GPR157: variants seen among roughly 807,000 people sequenced by gnomAD.
GPR157 encodes the protein G-protein coupled receptor 157.
In GPR157, 16 loss-of-function variants were observed where a neutral mutation model predicts 23.5. The observed-to-expected ratio is 0.68, with a 90% confidence interval of 0.46 to 1.04. The LOEUF is 1.04. Among genes scored for constraint, GPR157 ranks in the 50% least tolerant of loss-of-function variants. The pLI is 0.00. For missense variants in GPR157, 440 were observed against 460.7 expected (o/e 0.96, Z 0.41); for synonymous variants, 200 against 221.5 (o/e 0.90, Z 0.86).
chr1:9,120,965 T>C lies in GPR157; in HGVS notation c.383+7680A>G, dbSNP rs1480367127. Among the ~76,000 whole-genome samples the C allele has an allele frequency of 6.6e-6, 1 of 152,248 alleles. No homozygotes were observed. On this transcript the variant is annotated intron_variant, in intron 1 of 3. Transcript: ENST00000377411. This position sits in a 1 kb window ranked among gnomAD's most constrained non-coding sequence, Gnocchi z 4.1. The stretch of plus-strand genomic sequence containing the variant: ...CCACTGCATCCATCCCTCATTCAGA[T>C]GCCACTGCCTGGGGAGACGGGCCAG...
At chr1:9,122,091 C>T (rs2124525736) in intron 1 of GPR157, among the ~76,000 whole-genome samples, 1 of 152,272 alleles carries the variant, frequency 6.6e-6, no homozygotes, top group South Asian at 2.1e-4. Context: ...GCGCCCACCA[C>T]CGTGAGGGGA....
chr1:9,105,011 C>G lies in GPR157; in HGVS notation c.793-377G>C, dbSNP rs934672460. Reference sequence around the variant, plus strand: ...CCAGACTCTGTCCCCGCACCCCCCCCCAAAAAAGAGAAATGGCTGAGAAAC... The same window carrying G: ...CCAGACTCTGTCCCCGCACCCCCCCGCAAAAAAGAGAAATGGCTGAGAAAC... On this transcript the variant is annotated intron_variant, in intron 3 of 3. Coordinates refer to ENST00000377411, the MANE Select transcript of GPR157 (RefSeq NM_024980.5). This position sits in a 1 kb window ranked among gnomAD's most constrained non-coding sequence, Gnocchi z 4.8. 7.0e-6 allele frequency among the ~76,000 whole-genome samples: 1 copy of G among 142,812 alleles called. No individual in the cohort carries two copies. The highest frequency in any genetic ancestry group is 2.4e-4 in the South Asian group (1 of 4,128). The allele number at this position is 142,812 out of a possible 152,430, so 93.7% of individuals were successfully genotyped here.
At chr1:9,124,474 A>C (rs1471587591) in intron 1 of GPR157, among the ~76,000 whole-genome samples, 1 of 152,210 alleles carries the variant, frequency 6.6e-6, no homozygotes, top group African/African-American at 2.4e-5. Context: ...CCTATCCCAG[A>C]AAAGCAGATG....
intron 1 of GPR157, among the ~76,000 whole-genome samples, chr1:9,117,426 T>C (rs1638706205): frequency 6.6e-6 from 1 of 152,120 alleles, no homozygotes; most frequent in Non-Finnish European, 1.5e-5. Flanking sequence ...CACAAACACA[T>C]GTGTGGCATA....
intron 1 of GPR157, among the ~76,000 whole-genome samples, chr1:9,127,052 AT>A (rs1436205668): frequency 1.3e-5 from 2 of 151,914 alleles, no homozygotes; most frequent in Non-Finnish European, 2.9e-5. Context: ...TGCCCAGCTA[AT>A]TTTTAAATTT....
At chr1:9,124,289 T>A (rs1420102581) in intron 1 of GPR157, among the ~76,000 whole-genome samples, 2 of 152,152 alleles carry the variant, frequency 1.3e-5, no homozygotes, top group Non-Finnish European at 2.9e-5. Flanking sequence ...ACTATTGGTA[T>A]GGCATAAAAG....
intron 1 of GPR157, among the ~76,000 whole-genome samples, chr1:9,116,307 T>TATATAATATA (rs1638666261): frequency 3.2e-4 from 4 of 12,460 alleles, no homozygotes; most frequent in East Asian, 0.028. Context: ...ATATATATTA[T>TATATAATATA]ATTATATATA....
rs1179480080 is a variant in GPR157 at position 9,101,421 on chromosome 1, CAGCT to C, written c.*2994_*2997del. The stretch of plus-strand genomic sequence containing the variant: ...CCTTTCTGTCTGAGCACTACCCACC[CAGCT>C]AGACTGACTTGGTAACTGGATCTAA... On this transcript the variant is annotated 3_prime_UTR_variant, in exon 4 of 4. Coordinates refer to ENST00000377411, the MANE Select transcript of GPR157 (RefSeq NM_024980.5). The C allele has an allele frequency of 6.6e-6, 1 of 152,256 alleles. No homozygotes were observed. The highest frequency in any genetic ancestry group is 1.5e-5 in the Non-Finnish European group (1 of 68,126). 9.4% of individuals were successfully genotyped at this position (152,256 alleles called of 1,614,324 possible).
In GPR157 at chr1:9,104,162, G is replaced by A. The variant is rs544023587; in HGVS notation, c.*257C>T. 77 of 481,062 alleles carry A rather than the reference G, an allele frequency of 1.6e-4. No homozygotes were observed. Among genetic ancestry groups the A allele is most frequent in the African/African-American group, 1.3e-3 (66 of 51,980 alleles). 29.8% of individuals were successfully genotyped at this position (481,062 alleles called of 1,614,324 possible). A position where few individuals can be genotyped will look rare whatever the true frequency, so the allele number is the denominator to read the frequency against. ...CACAGCTGTGGGCCACCGGCTTCCC[G>A]AATCTCACTGCTACCCTTATGCAGA... On this transcript the variant is annotated 3_prime_UTR_variant, in exon 4 of 4. Transcript: ENST00000377411.
At chr1:9,114,920 C>CAAAAAAAAAA (rs70985588) in intron 1 of GPR157, among the ~76,000 whole-genome samples, 2 of 85,502 alleles carry the variant, frequency 2.3e-5, no homozygotes, top group African/African-American at 4.5e-5. Context: ...GACTCCGTCT[C>CAAAAAAAAAA]AAAAAAAAAA....
At position 9,111,506 on chromosome 1, in the gene GPR157, G is replaced by A. The variant is rs371147802; in HGVS notation, c.384-17C>T. The A allele has an allele frequency of 1.4e-4, 224 of 1,606,614 alleles. No individual in the cohort carries two copies. Among genetic ancestry groups the A allele is most frequent in the Non-Finnish European group, 1.8e-4 (217 of 1,173,852 alleles). ...ACCCCCCAGCTGAGGAAGGAGGAGA[G>A]AAAGAGGCATCGGGGTCAGGCCATG... On this transcript the variant is annotated splice_polypyrimidine_tract_variant and intron_variant, in intron 1 of 3. Coordinates refer to ENST00000377411, the MANE Select transcript of GPR157 (RefSeq NM_024980.5).
At position 9,105,419 on chromosome 1, in the gene GPR157, C is replaced by A. The variant is rs888219867; in HGVS notation, c.792+67G>T. ...ACACTGGGGTGCAGCCACTGTGCTG[C>A]GGGAAGGAATCAGGCTGTGCCTCCT... On this transcript the variant is annotated intron_variant, in intron 3 of 3. Transcript: ENST00000377411. The surrounding 1 kb of genome is among the most constrained non-coding windows in gnomAD (Gnocchi z 4.8). 5.0e-6 allele frequency: 7 copies of A among 1,406,922 alleles called. No individual in the cohort carries two copies. The East Asian group carries it at 1.5e-4, about 30-fold the overall frequency. 87.2% of individuals were successfully genotyped at this position (1,406,922 alleles called of 1,614,324 possible). A position where few individuals can be genotyped will look rare whatever the true frequency, so the allele number is the denominator to read the frequency against.
intron 1 of GPR157, among the ~76,000 whole-genome samples, chr1:9,124,865 T>TA (rs1392670690): frequency 2.0e-5 from 3 of 152,354 alleles, no homozygotes; most frequent in Non-Finnish European, 2.9e-5. Flanking sequence ...ATACAGATGT[T>TA]ATGTTAAAGA....
chr1:9,115,583 G>C (rs1638617638), intron 1 of GPR157, among the ~76,000 whole-genome samples: 2 of 152,062 alleles, frequency 1.3e-5, no homozygotes, highest in South Asian at 4.1e-4. Context: ...TCAGGTACGA[G>C]TTTTCTTCCC....
rs1422072327 is a variant in GPR157, at chr1:9,100,384, T to C, written c.*4035A>G. ...CCCAGTCAGGGCTTGCATTACAATT[T>C]TGCAGGTGCAAAAACTCACACTTTT... On this transcript the variant is annotated 3_prime_UTR_variant, in exon 4 of 4. Coordinates refer to ENST00000377411, the MANE Select transcript of GPR157 (RefSeq NM_024980.5). 1.3e-5 allele frequency: 2 copies of C among 152,230 alleles called. No homozygotes were observed. The highest frequency in any genetic ancestry group is 2.9e-5 in the Non-Finnish European group (2 of 68,040). The allele number at this position is 152,230 out of a possible 1,614,324, so 9.4% of individuals were successfully genotyped here.
intron 1 of GPR157, among the ~76,000 whole-genome samples, chr1:9,125,107 C>T (rs920738145): frequency 2.0e-5 from 3 of 152,292 alleles, no homozygotes; most frequent in South Asian, 4.1e-4. Context: ...ATTGCATTGC[C>T]GGCTGCTGGC....
intron 1 of GPR157, among the ~76,000 whole-genome samples, chr1:9,126,703 G>A (rs926065234): frequency 1.3e-5 from 2 of 152,268 alleles, no homozygotes; most frequent in Admixed American, 6.5e-5. Context: ...GTTAACAGAT[G>A]AACCTGTTAG....
At chr1:9,123,746 T>TTAAA (rs1553175968) in intron 1 of GPR157, among the ~76,000 whole-genome samples, 1 of 118,070 alleles carries the variant, frequency 8.5e-6, no homozygotes, top group African/African-American at 3.1e-5. Context: ...ATATTTAATA[T>TTAAA]TATATATTTA....
rs1382583927 is a variant in GPR157, at chr1:9,128,048, GAACTCTGGAAAGT to G, written c.383+584_383+596del. ...CCCTGCCCTCAATCTCAGAATTGCT[GAACTCTGGAAAGT>G]CAAGATCATCTAGAACAGAAATACA... On this transcript the variant is annotated intron_variant, in intron 1 of 3. Coordinates refer to ENST00000377411, the MANE Select transcript of GPR157 (RefSeq NM_024980.5). The surrounding 1 kb of genome is among the most constrained non-coding windows in gnomAD (Gnocchi z 6.3). Among the ~76,000 whole-genome samples the G allele has an allele frequency of 6.6e-6, 1 of 152,172 alleles. No individual in the cohort carries two copies. The highest frequency in any genetic ancestry group is 1.9e-4 in the East Asian group (1 of 5,202).
Sources: gnomAD v4.1 joint callset for allele counts (sites outside exome capture counted in the v4.1 genomes callset) on GRCh38, gnomAD v4.1.1 for gene constraint, Gnocchi (gnomAD v3.1) non-coding constraint, MANE v1.5 for transcripts, NCBI Gene and HGNC (gene_info 2026-07-23, HGNC 2026-07-21) for gene names.